TUBGCP4: variants seen among roughly 807,000 people sequenced by gnomAD.
TUBGCP4 encodes the protein gamma-tubulin complex component 4.
In TUBGCP4, 54 loss-of-function variants were observed where a neutral mutation model predicts 91.6. The ratio of observed to expected loss-of-function variants is 0.59; its 90% CI spans 0.47 to 0.74. The LOEUF (loss-of-function observed/expected upper bound fraction) is 0.74. Ranked by LOEUF, TUBGCP4 falls within the 30% of genes least tolerant of loss-of-function variation. The pLI is 0.00. For synonymous variants in TUBGCP4, 297 were observed against 302.8 expected (o/e 0.98, Z 0.20); for missense variants, 593 against 800.9 (o/e 0.74, Z 3.13).
chr15:43,383,280 C>T, intron 6 of TUBGCP4, 23 bp from the exon 7 acceptor site: 3 of 1,602,470 alleles, frequency 1.9e-6, no homozygotes, highest in Non-Finnish European at 1.7e-6. Context: ...ACTTCTGAGC[C>T]TCTTACTTTC....
rs1236878501 is a variant in TUBGCP4 at position 43,407,804 on chromosome 15, TTG to T, written c.*2591_*2592del. 2.2e-6 allele frequency: 2 copies of T among 922,850 alleles called. No homozygotes were observed. The highest frequency in any genetic ancestry group is 3.3e-6 in the Non-Finnish European group (2 of 610,850). 57.2% of individuals were successfully genotyped at this position (922,850 alleles called of 1,614,324 possible). On this transcript the variant is annotated 3_prime_UTR_variant, in exon 18 of 18. Transcript: ENST00000564079. ...TGCTTCACTTATGTTGACTCACCTC[TTG>T]AAGGTGGTACTTTTCTTCTCTAAGA...
chr15:43,382,109 G>A (rs1413803146), intron 6 of TUBGCP4, among the ~76,000 whole-genome samples: 1 of 151,958 alleles, frequency 6.6e-6, no homozygotes, highest in East Asian at 1.9e-4. Context: ...CTACTTAGGA[G>A]GCTGAGGTGG....
intron 7 of TUBGCP4, 58 bp from the exon 8 acceptor site, chr15:43,385,733 C>A (rs1336538237): frequency 2.1e-5 from 33 of 1,577,770 alleles, no homozygotes; most frequent in Non-Finnish European, 2.9e-5. Context: ...TAGGTATTTT[C>A]TTGTTTTCCT....
intron 1 of TUBGCP4, among the ~76,000 whole-genome samples, chr15:43,373,685 G>T (rs1457475815): frequency 7.0e-6 from 1 of 142,020 alleles, no homozygotes; most frequent in Non-Finnish European, 1.5e-5. Context: ...GTCTCGCTCT[G>T]TCGCCCAGGC....
intron 10 of TUBGCP4, 24 bp downstream of exon 10, chr15:43,395,181 C>T (rs2142857353): frequency 6.2e-7 from 1 of 1,613,568 alleles, no homozygotes; most frequent in Non-Finnish European, 8.5e-7. Context: ...TGTTGTAATT[C>T]TTACGGTGAT....
At position 43,397,316 on chromosome 15, in the gene TUBGCP4, A is replaced by AC; in HGVS notation, c.1275dup (p.Lys426GlnfsTer54). ...ACAATCGAGTATCACGGAAAGGAGC[A>AC]CAAAGGTTTGCCATTCCTCCCTGCC... On this transcript the variant is annotated frameshift_variant, in exon 12 of 18. Transcript: ENST00000564079. LOFTEE classifies it high-confidence loss of function. 1 of 1,613,712 alleles carries AC rather than the reference A, an allele frequency of 6.2e-7. No individual in the cohort carries two copies. The highest frequency in any genetic ancestry group is 1.1e-5 in the South Asian group (1 of 91,070).
intron 16 of TUBGCP4, 79 bp from the exon 17 acceptor site, chr15:43,404,334 C>A: frequency 6.4e-7 from 1 of 1,550,664 alleles, no homozygotes; most frequent in Non-Finnish European, 8.7e-7. Flanking sequence ...TTCCAAGAAA[C>A]TCCTCCCTCC....
At chr15:43,376,920 T>TA in intron 3 of TUBGCP4, 94 bp from the exon 4 acceptor site, 1 of 1,136,026 alleles carries the variant, frequency 8.8e-7, no homozygotes, top group Non-Finnish European at 1.3e-6. Flanking sequence ...AATTAACACT[T>TA]AAGCCCATCA....
intron 16 of TUBGCP4, 62 bp from the exon 17 acceptor site, chr15:43,404,351 A>G (rs779765787): frequency 6.9e-6 from 11 of 1,595,872 alleles, no homozygotes; most frequent in Non-Finnish European, 9.4e-6. Flanking sequence ...CTCCGCCCCC[A>G]TCCTCCATAT....
chr15:43,405,240 A>G lies in TUBGCP4; in HGVS notation c.*26A>G. Reference sequence around the variant, plus strand: ...AAATTTCTGGCTCATAAATTGAAATAACAGCCACGTTCCCAAGGTTGTAAC... The same window carrying G: ...AAATTTCTGGCTCATAAATTGAAATGACAGCCACGTTCCCAAGGTTGTAAC... On this transcript the variant is annotated 3_prime_UTR_variant, in exon 18 of 18. Transcript: ENST00000564079. The G allele has an allele frequency of 6.2e-7, 1 of 1,613,678 alleles. No individual in the cohort carries two copies. The highest frequency in any genetic ancestry group is 8.5e-7 in the Non-Finnish European group (1 of 1,179,604).
At chr15:43,383,713 T>C (rs1383838748) in intron 7 of TUBGCP4, among the ~76,000 whole-genome samples, 1 of 152,232 alleles carries the variant, frequency 6.6e-6, no homozygotes, top group African/African-American at 2.4e-5. Flanking sequence ...TCTTTCCCAA[T>C]ATATGCATTT....
intron 9 of TUBGCP4, among the ~76,000 whole-genome samples, chr15:43,387,654 G>T (rs945003568): frequency 2.0e-5 from 3 of 151,904 alleles, no homozygotes; most frequent in Non-Finnish European, 2.9e-5. Flanking sequence ...TAGAGATGGG[G>T]TTTCACCATG....
chr15:43,395,809 G>T, intron 11 of TUBGCP4, 121 bp downstream of exon 11: 2 of 764,976 alleles, frequency 2.6e-6, no homozygotes, highest in Admixed American at 2.1e-5. Flanking sequence ...ACAGAGCAGT[G>T]GCTTCCAGAG....
At position 43,407,531 on chromosome 15, in the gene TUBGCP4, G is replaced by A. The variant is rs200402089; in HGVS notation, c.*2317G>A. 206 of 1,614,058 alleles carry A rather than the reference G, an allele frequency of 1.3e-4. No homozygotes were observed. The highest frequency in any genetic ancestry group is 1.6e-4 in the Non-Finnish European group (183 of 1,180,034). ...CTTCAGCACCGAGGCTGGGCATGAG[G>A]GGTCCGTCACCACCACATCAAATAC... is the stretch of plus-strand genomic sequence containing the variant. On this transcript the variant is annotated 3_prime_UTR_variant, in exon 18 of 18. Coordinates refer to ENST00000564079, the MANE Select transcript of TUBGCP4 (RefSeq NM_014444.5).
chr15:43,392,705 T>C (rs1278091804), intron 9 of TUBGCP4, among the ~76,000 whole-genome samples: 1 of 152,038 alleles, frequency 6.6e-6, no homozygotes, highest in Non-Finnish European at 1.5e-5. Context: ...CGCCATGTTG[T>C]GCTGGCTGAT....
At chr15:43,388,952 G>A (rs117862845) in intron 9 of TUBGCP4, among the ~76,000 whole-genome samples, 62 of 152,176 alleles carry the variant, frequency 4.1e-4, no homozygotes, top group Non-Finnish European at 7.4e-4. Flanking sequence ...ATCTATTTCT[G>A]TAAAGTTCAA....
chr15:43,403,649 T>G, intron 15 of TUBGCP4, 34 bp from the exon 16 acceptor site: 1 of 1,489,042 alleles, frequency 6.7e-7, no homozygotes, highest in Non-Finnish European at 9.3e-7. Context: ...GTACCTTCCT[T>G]CCTTTCCTAA....
At chr15:43,395,284 C>A in intron 10 of TUBGCP4, 127 bp downstream of exon 10, 3 of 1,062,690 alleles carry the variant, frequency 2.8e-6, no homozygotes, top group South Asian at 1.3e-5. Context: ...TGTTCTTATC[C>A]AAGTGAGCAA....
At chr15:43,393,493 T>C (rs1250873303) in intron 9 of TUBGCP4, among the ~76,000 whole-genome samples, 3 of 152,044 alleles carry the variant, frequency 2.0e-5, no homozygotes, top group Non-Finnish European at 2.9e-5. Flanking sequence ...ATGTGCACAA[T>C]GTGCAGGTTT....
Sources: allele counts gnomAD v4.1 joint callset (sites outside exome capture counted in the v4.1 genomes callset), GRCh38; gene constraint gnomAD v4.1.1; transcripts MANE v1.5; gene names NCBI Gene and HGNC (gene_info 2026-07-23, HGNC 2026-07-21).